Variants in CSMD1 observed in about 807,000 individuals in gnomAD.
CSMD1 encodes CUB and Sushi multiple domains 1, also known as CUB and sushi domain-containing protein 1.
Under a neutral mutation model 417.5 loss-of-function variants are expected in CSMD1, and 213 were observed. The observed-to-expected ratio is 0.51, with a 90% confidence interval of 0.46 to 0.57. The LOEUF (loss-of-function observed/expected upper bound fraction) is 0.57, where lower values mean the gene tolerates loss of function less well. CSMD1 is among the 20% of genes least tolerant of loss of function. The pLI is 0.00. For synonymous variants in CSMD1, 2,862 were observed against 1,736.8 expected (o/e 1.65, Z -16.11); for missense variants, 6,923 against 4,529.7 (o/e 1.53, Z -15.17).
chr8:4,583,355 T>C (rs977909411), intron 2 of CSMD1, among the ~76,000 whole-genome samples: 1 of 151,790 alleles, frequency 6.6e-6, no homozygotes, highest in Non-Finnish European at 1.5e-5. Context: ...AATACACCAA[T>C]CGGCATTCTG....
intron 1 of CSMD1, among the ~76,000 whole-genome samples, chr8:4,742,110 A>C (rs1433007430): frequency 7.4e-6 from 1 of 135,170 alleles, no homozygotes; most frequent in Non-Finnish European, 1.5e-5. Context: ...GGCTCACTGC[A>C]AGCTCCGCTT....
intron 3 of CSMD1, among the ~76,000 whole-genome samples, chr8:4,403,701 C>G (rs924642295): frequency 6.6e-6 from 1 of 152,082 alleles, no homozygotes; most frequent in Non-Finnish European, 1.5e-5. Flanking sequence ...ACTCTTTTGA[C>G]CTCTTCATGT....
intron 10 of CSMD1, among the ~76,000 whole-genome samples, chr8:3,501,121 T>A (rs941080488): frequency 6.6e-6 from 1 of 152,138 alleles, no homozygotes; most frequent in South Asian, 2.1e-4. Flanking sequence ...CTGAAAAAAA[T>A]TCATTTGATA....
At chr8:3,237,794 G>A (rs192883049) in intron 26 of CSMD1, among the ~76,000 whole-genome samples, 1,571 of 12,042 alleles carry the variant, frequency 0.13, 267 homozygotes, top group Non-Finnish European at 0.24. Context: ...TATACTACAA[G>A]TATAATTTTT....
intron 3 of CSMD1, among the ~76,000 whole-genome samples, chr8:4,290,243 A>T (rs553549393): frequency 7.2e-5 from 11 of 152,338 alleles, no homozygotes; most frequent in Admixed American, 2.0e-4. Context: ...CCATGTGTTT[A>T]GGCCCGAGGG....
intron 2 of CSMD1, among the ~76,000 whole-genome samples, chr8:4,549,916 A>AG (rs1269711578): frequency 2.2e-3 from 316 of 143,100 alleles, no homozygotes; most frequent in African/African-American, 6.4e-3. Flanking sequence ...AAAAAAAAAA[A>AG]AAAAGAAAAG....
At chr8:4,030,147 G>C (rs1585165164) in intron 4 of CSMD1, among the ~76,000 whole-genome samples, 2 of 152,288 alleles carry the variant, frequency 1.3e-5, no homozygotes, top group South Asian at 2.1e-4. Context: ...CAAGGTGTCA[G>C]TGGATCTACC....
intron 12 of CSMD1, among the ~76,000 whole-genome samples, chr8:3,444,717 T>C (rs1815195319): frequency 6.6e-6 from 1 of 152,162 alleles, no homozygotes. Flanking sequence ...CTATTCTGAA[T>C]GTAATATATA....
At chr8:4,475,422 T>G (rs1212931080) in intron 2 of CSMD1, among the ~76,000 whole-genome samples, 1 of 152,130 alleles carries the variant, frequency 6.6e-6, no homozygotes, top group Non-Finnish European at 1.5e-5. Flanking sequence ...GTTTCTCTTT[T>G]TTAATATTCA....
intron 5 of CSMD1, among the ~76,000 whole-genome samples, chr8:3,976,076 T>TG (rs74622743): frequency 4.7e-4 from 71 of 151,770 alleles, no homozygotes; most frequent in Admixed American, 1.1e-3. Flanking sequence ...TAAATTTTTT[T>TG]GGGGGGGTCA....
At position 4,059,958 on chromosome 8, in the gene CSMD1, C is replaced by T. The variant is rs1311150388; in HGVS notation, c.416-27859G>A. 4.6e-5 allele frequency among the ~76,000 whole-genome samples: 7 copies of T among 152,144 alleles called. No homozygotes were observed. The East Asian group carries it at 1.4e-3, about 29-fold the overall frequency. On this transcript the variant is annotated intron_variant, in intron 3 of 69. Transcript: ENST00000635120. Reference sequence around the variant, plus strand: ...ACTCATTTCATGAGGCCAGCATCATCCTGATACCAAAGCCGGGCAGAGACA... The same window carrying T: ...ACTCATTTCATGAGGCCAGCATCATTCTGATACCAAAGCCGGGCAGAGACA...
intron 59 of CSMD1, among the ~76,000 whole-genome samples, chr8:2,965,072 A>G (rs1399490575): frequency 6.6e-6 from 1 of 152,138 alleles, no homozygotes; most frequent in Non-Finnish European, 1.5e-5. Context: ...AGCTGATAAG[A>G]AAGTCTGGAT....
intron 3 of CSMD1, among the ~76,000 whole-genome samples, chr8:4,086,775 C>G (rs775011209): frequency 6.6e-6 from 1 of 152,154 alleles, no homozygotes; most frequent in African/African-American, 2.4e-5. Context: ...TCTTTTTCAA[C>G]TGAGTGAATG....
At chr8:4,321,127 G>C (rs1287678008) in intron 3 of CSMD1, among the ~76,000 whole-genome samples, 1 of 152,016 alleles carries the variant, frequency 6.6e-6, no homozygotes. Context: ...ATCAATCAAA[G>C]GCAGGAAGAG....
intron 25 of CSMD1, among the ~76,000 whole-genome samples, chr8:3,290,468 G>A (rs1409075260): frequency 8.4e-6 from 1 of 118,410 alleles, no homozygotes; most frequent in East Asian, 2.2e-4. Flanking sequence ...AGCATGGAAT[G>A]TTCTTCCATT....
chr8:4,006,220 T>C (rs1174376003), intron 4 of CSMD1, among the ~76,000 whole-genome samples: 1 of 152,046 alleles, frequency 6.6e-6, no homozygotes, highest in Non-Finnish European at 1.5e-5. Flanking sequence ...GGGACAGAAA[T>C]ATATTGACTT....
chr8:3,310,407 T>C (rs568012283), intron 23 of CSMD1, among the ~76,000 whole-genome samples: 31 of 152,294 alleles, frequency 2.0e-4, no homozygotes, highest in South Asian at 4.2e-4. Context: ...CTGCCCAGCA[T>C]TGGGGATGAC....
intron 3 of CSMD1, among the ~76,000 whole-genome samples, chr8:4,061,300 TAC>T (rs1798961139): frequency 1.3e-5 from 2 of 152,130 alleles, no homozygotes; most frequent in Non-Finnish European, 2.9e-5. Flanking sequence ...CATCTTATCA[TAC>T]AAGAATTTCT....
chr8:3,353,511 T>G (rs144683806), intron 21 of CSMD1, among the ~76,000 whole-genome samples: 1 of 152,162 alleles, frequency 6.6e-6, no homozygotes, highest in Non-Finnish European at 1.5e-5. Flanking sequence ...AATGAAAGAA[T>G]GGATGTGTCA....
Sources: gnomAD v4.1 joint callset for allele counts (sites outside exome capture counted in the v4.1 genomes callset) on GRCh38, gnomAD v4.1.1 for gene constraint, MANE v1.5 for transcripts, NCBI Gene and HGNC (gene_info 2026-07-23, HGNC 2026-07-21) for gene names.